SPRY3: variants seen among roughly 807,000 people sequenced by gnomAD.
SPRY3 encodes the protein protein sprouty homolog 3.
Under a neutral mutation model 20.2 loss-of-function variants are expected in SPRY3, and 15 were observed. The ratio of observed to expected loss-of-function variants is 0.74; its 90% CI spans 0.50 to 1.14. SPRY3 has a LOEUF of 1.14. Among genes scored for constraint, SPRY3 ranks in the 50% most tolerant of loss-of-function variants. The pLI is 0.00. For missense variants in SPRY3, 364 were observed against 363.9 expected, an observed-to-expected ratio of 1.00 and a Z score of 0.00; for synonymous variants, 143 against 136.5, an observed-to-expected ratio of 1.05 and a Z score of -0.33.
At chrX:155,703,877 C>T (rs1195398051) in intron 2 of SPRY3, among the ~76,000 whole-genome samples, 1 of 151,788 alleles carries the variant, frequency 6.6e-6, no homozygotes, top group Non-Finnish European at 1.5e-5. Context: ...TCTGGTCGAC[C>T]ATTCTCCATG....
At chrX:155,756,942 T>G (rs914479105) in intron 2 of SPRY3, among the ~76,000 whole-genome samples, 6 of 152,146 alleles carry the variant, frequency 3.9e-5, no homozygotes, top group African/African-American at 1.4e-4. Context: ...TCACTTCCAC[T>G]ATTACCACTC....
chrX:155,736,256 AT>A (rs2091168666), intron 2 of SPRY3, among the ~76,000 whole-genome samples: 1 of 151,830 alleles, frequency 6.6e-6, no homozygotes, highest in Non-Finnish European at 1.5e-5. Context: ...TTTTACCTTC[AT>A]TTATGTATTT....
intron 2 of SPRY3, among the ~76,000 whole-genome samples, chrX:155,670,559 T>TGTTACAAATTACAA (rs1557354665): frequency 8.9e-6 from 1 of 112,237 alleles, no homozygotes; most frequent in African/African-American, 3.2e-5. Context: ...CTGTAACATC[T>TGTTACAAATTACAA]TAGCTTCGAA....
chrX:155,630,443 T>A (rs2067902294), intron 1 of SPRY3, among the ~76,000 whole-genome samples: 2 of 111,857 alleles, frequency 1.8e-5, no homozygotes, highest in East Asian at 5.6e-4. Flanking sequence ...ATTTTGTTTG[T>A]CTGAGAAAGT....
At chrX:155,767,709 G>GA (rs2091344889) in intron 2 of SPRY3, 2 of 111,602 alleles carry the variant, frequency 1.8e-5, no homozygotes, top group Non-Finnish European at 1.8e-5. Flanking sequence ...AGAAAGAAGA[G>GA]GAGGAGGAGA....
intron 1 of SPRY3, among the ~76,000 whole-genome samples, chrX:155,655,210 T>C (rs2124547844): frequency 9.0e-6 from 1 of 111,612 alleles, no homozygotes; most frequent in Non-Finnish European, 1.9e-5. Context: ...ATGGGGTTAT[T>C]TGGGATTTTT....
intron 2 of SPRY3, among the ~76,000 whole-genome samples, chrX:155,767,144 T>G (rs2091336481): frequency 6.6e-6 from 1 of 152,016 alleles, no homozygotes. Flanking sequence ...GGAGTTTTAA[T>G]GGGTCGATTC....
intron 1 of SPRY3, among the ~76,000 whole-genome samples, chrX:155,640,098 A>G (rs1397427461): frequency 9.0e-6 from 1 of 111,591 alleles, no homozygotes; most frequent in Non-Finnish European, 1.9e-5. Context: ...TTTCTTATAT[A>G]CAGTTGACTT....
intron 2 of SPRY3, among the ~76,000 whole-genome samples, chrX:155,724,994 T>C (rs1039251873): frequency 2.0e-5 from 3 of 152,180 alleles, no homozygotes; most frequent in Non-Finnish European, 4.4e-5. Context: ...ATACATTCCA[T>C]CAATACCTAG....
chrX:155,750,737 A>G (rs1356328069), intron 2 of SPRY3, among the ~76,000 whole-genome samples: 1 of 151,872 alleles, frequency 6.6e-6, no homozygotes, highest in Non-Finnish European at 1.5e-5. Context: ...GAGAGAGCAG[A>G]TGGTATAAAA....
chrX:155,697,266 G>C (rs1218428554), intron 2 of SPRY3, among the ~76,000 whole-genome samples: 3 of 110,773 alleles, frequency 2.7e-5, no homozygotes, highest in African/African-American at 9.9e-5. Context: ...AAAGGTAGAG[G>C]AAAGGTGGAT....
chrX:155,693,324 A>T (rs964919913), intron 2 of SPRY3, among the ~76,000 whole-genome samples: 1 of 111,930 alleles, frequency 8.9e-6, no homozygotes, highest in Non-Finnish European at 1.9e-5. Context: ...ATTTAATTCC[A>T]CTGTGGTCAG....
At chrX:155,713,140 C>T (rs146662331) in intron 2 of SPRY3, among the ~76,000 whole-genome samples, 4,447 of 151,856 alleles carry the variant, frequency 0.029, 90 homozygotes, top group Non-Finnish European at 0.048. Flanking sequence ...ACATGTAGAA[C>T]GTGCAGGTTT....
chrX:155,664,101 A>C (rs978923614), intron 2 of SPRY3, among the ~76,000 whole-genome samples: 3 of 111,060 alleles, frequency 2.7e-5, no homozygotes, highest in Non-Finnish European at 5.7e-5. Flanking sequence ...TAAGGGCAAC[A>C]AAAATTACAA....
chrX:155,727,814 G>C (rs1464982767), intron 2 of SPRY3, among the ~76,000 whole-genome samples: 1 of 152,076 alleles, frequency 6.6e-6, no homozygotes, highest in Non-Finnish European at 1.5e-5. Context: ...ACTCGTCAAA[G>C]TCTTTTTCCG....
At chrX:155,742,249 G>A (rs2091207418) in intron 2 of SPRY3, among the ~76,000 whole-genome samples, 1 of 150,914 alleles carries the variant, frequency 6.6e-6, no homozygotes, top group Non-Finnish European at 1.5e-5. Context: ...AAGACAAAGG[G>A]CATTACATAA....
At position 155,613,553 on chromosome X, in the gene SPRY3, GTATTA is replaced by G. The variant is rs1461569581; in HGVS notation, c.-441+911_-441+915del. ...TATACTGAAAATGGGAAATTGTGCA[GTATTA>G]TATTTATTCGAGATTAAAAGTGTTA... On this transcript the variant is annotated intron_variant, in intron 1 of 3. Transcript: ENST00000675360. 2.7e-5 allele frequency among the ~76,000 whole-genome samples: 3 copies of G among 111,988 alleles called. No individual in the cohort carries two copies. The East Asian group carries it at 8.4e-4, about 31-fold the overall frequency.
At chrX:155,769,633 T>G (rs1205981813) in intron 3 of SPRY3, among the ~76,000 whole-genome samples, 1 of 152,194 alleles carries the variant, frequency 6.6e-6, no homozygotes, top group Non-Finnish European at 1.5e-5. Context: ...TATTACAAAT[T>G]TTCCCTGTAT....
rs180984096 is a variant in SPRY3, at chrX:155,699,459, C to A, written c.-282+42434C>A. Among the ~76,000 whole-genome samples the A allele has an allele frequency of 1.1e-4, 12 of 111,662 alleles. No homozygotes were observed. The East Asian group carries it at 3.4e-3, about 31-fold the overall frequency. On this transcript the variant is annotated intron_variant, in intron 2 of 3. Coordinates refer to ENST00000675360, the Ensembl canonical transcript of SPRY3. ...GTCACCTTGCACGGTCCTCCATGAA[C>A]CTCAACGGGTGCTCCCAGAAAATAT...
Sources: allele counts gnomAD v4.1 joint callset (sites outside exome capture counted in the v4.1 genomes callset), GRCh38; gene constraint gnomAD v4.1.1; transcripts MANE v1.5; gene names NCBI Gene and HGNC (gene_info 2026-07-23, HGNC 2026-07-21).